FER1L6: variants seen among roughly 807,000 people sequenced by gnomAD.
FER1L6 encodes the protein fer-1 like family member 6.
Under a neutral mutation model 219.2 loss-of-function variants are expected in FER1L6, and 177 were observed. The ratio of observed to expected loss-of-function variants is 0.81; its 90% CI spans 0.71 to 0.91. The LOEUF (loss-of-function observed/expected upper bound fraction) is 0.91. Ranked by LOEUF, FER1L6 falls within the 40% of genes least tolerant of loss-of-function variation. The probability of loss-of-function intolerance (pLI) is 0.00; values close to 1 mark genes in which losing one functional copy is unlikely to be tolerated. For synonymous variants in FER1L6, 768 were observed against 824.3 expected (o/e 0.93, Z 1.17); for missense variants, 2,153 against 2,259.9 (o/e 0.95, Z 0.96).
chr8:123,983,477 G>C (rs1048310176), intron 11 of FER1L6, among the ~76,000 whole-genome samples: 7 of 152,164 alleles, frequency 4.6e-5, no homozygotes, highest in Non-Finnish European at 7.3e-5. Flanking sequence ...TGATATAGAA[G>C]GAGAGGTATG....
At chr8:123,868,640 C>G (rs1023712975) in intron 1 of FER1L6, among the ~76,000 whole-genome samples, 1 of 152,128 alleles carries the variant, frequency 6.6e-6, no homozygotes, top group Middle Eastern at 3.2e-3. Flanking sequence ...CCAAGCAGCC[C>G]TCCCTGCAGA....
intron 1 of FER1L6, among the ~76,000 whole-genome samples, chr8:123,862,437 C>T (rs199667388): frequency 7.1e-6 from 1 of 140,442 alleles, no homozygotes; most frequent in African/African-American, 2.9e-5. Flanking sequence ...GGTCCAAAAT[C>T]CTCTTTTTTG....
In FER1L6 at chr8:124,103,275, G is replaced by C; in HGVS notation, c.5255G>C (p.Gly1752Ala). The change falls in exon 39 of 41, where the codon GGC becomes GCC. Residue 1752 changes from glycine (G) to alanine (A), a missense_variant. Transcript: ENST00000522917. ...ATATTCCAGCAAAAACGTGTGCGTG[G>C]CTGGTGGCCTTTTTCTAAAAGCAAA... ...ISIFQQKRVR[G>A]WWPFSKSKEL... 3.7e-6 allele frequency: 6 copies of C among 1,614,058 alleles called. No individual in the cohort carries two copies. The highest frequency in any genetic ancestry group is 5.1e-6 in the Non-Finnish European group (6 of 1,179,980).
At chr8:124,118,056 G>A (rs186823923) in intron 39 of FER1L6, among the ~76,000 whole-genome samples, 2 of 152,238 alleles carry the variant, frequency 1.3e-5, no homozygotes, top group East Asian at 3.9e-4. Context: ...AAGAATAGGA[G>A]CTCCAGGAGA....
intron 14 of FER1L6, among the ~76,000 whole-genome samples, chr8:124,011,336 T>A (rs1817910494): frequency 6.6e-6 from 1 of 152,142 alleles, no homozygotes; most frequent in African/African-American, 2.4e-5. Flanking sequence ...CCCCCTTATC[T>A]TCTTACATAA....
intron 15 of FER1L6, chr8:124,016,189 T>C (rs1818192579): frequency 6.6e-6 from 1 of 152,210 alleles, no homozygotes; most frequent in African/African-American, 2.4e-5. Flanking sequence ...GAGAGTGAAA[T>C]GGAATTCCTT....
Position 123,910,832 on chromosome 8 carries a change from C to A in FER1L6, c.-7-45160C>A, listed in dbSNP as rs574752205. The stretch of plus-strand genomic sequence containing the variant: ...GGCAGTTACTTTAAAAGAAACATAT[C>A]TTAAGACTAGTCAAGGCAATGACAG... On this transcript the variant is annotated intron_variant, in intron 1 of 40. Transcript: ENST00000522917. Among the ~76,000 whole-genome samples the A allele has an allele frequency of 3.0e-4, 46 of 152,198 alleles. 1 individual carries two copies. Among genetic ancestry groups the A allele is most frequent in the African/African-American group, 1.1e-3 (45 of 41,536 alleles).
At chr8:124,054,293 GT>G (rs562438006) in intron 22 of FER1L6, among the ~76,000 whole-genome samples, 1 of 151,804 alleles carries the variant, frequency 6.6e-6, no homozygotes, top group African/African-American at 2.4e-5. Context: ...TCAAAGTCTG[GT>G]TTTTTTTGGA....
At chr8:123,887,901 A>C (rs1324740962) in intron 1 of FER1L6, among the ~76,000 whole-genome samples, 1 of 152,172 alleles carries the variant, frequency 6.6e-6, no homozygotes, top group Non-Finnish European at 1.5e-5. Flanking sequence ...TTAGATAGTA[A>C]AATATTCTTT....
At chr8:124,080,526 C>G (rs1427575094) in intron 32 of FER1L6, among the ~76,000 whole-genome samples, 1 of 152,248 alleles carries the variant, frequency 6.6e-6, no homozygotes, top group East Asian at 1.9e-4. Flanking sequence ...CCATGTTGGC[C>G]AGGCTTGTCT....
At chr8:123,943,232 G>A (rs1191420490) in intron 1 of FER1L6, among the ~76,000 whole-genome samples, 2 of 152,208 alleles carry the variant, frequency 1.3e-5, no homozygotes, top group African/African-American at 4.8e-5. Context: ...AGCAGGGGGT[G>A]GTGAACATGA....
intron 12 of FER1L6, among the ~76,000 whole-genome samples, chr8:124,000,667 A>G (rs974121242): frequency 6.6e-6 from 1 of 152,210 alleles, no homozygotes; most frequent in Admixed American, 6.5e-5. Flanking sequence ...CATACAGTAG[A>G]TGTTATTATG....
At chr8:123,865,027 G>A (rs1299240623) in intron 1 of FER1L6, among the ~76,000 whole-genome samples, 4 of 151,208 alleles carry the variant, frequency 2.6e-5, no homozygotes, top group Admixed American at 6.6e-5. Context: ...CTGGTGAGGA[G>A]CTGCGTTCCT....
In FER1L6 at chr8:124,111,146, A is replaced by C. The variant is rs1823007865; in HGVS notation, c.5290-7698A>C. ...TTATATACGTTACAGAGAGAAGAGA[A>C]AGTACTTACAACTTTTCTAAAGTAA... On this transcript the variant is annotated intron_variant, in intron 39 of 40. Transcript: ENST00000522917. This position sits in a 1 kb window ranked among gnomAD's most constrained non-coding sequence, Gnocchi z 5.0. Among the ~76,000 whole-genome samples, 1 of 152,232 alleles carries C rather than the reference A, an allele frequency of 6.6e-6. No homozygotes were observed. Among genetic ancestry groups the C allele is most frequent in the Non-Finnish European group, 1.5e-5 (1 of 68,036 alleles).
At chr8:123,948,311 G>A (rs190122521) in intron 1 of FER1L6, among the ~76,000 whole-genome samples, 158 of 152,276 alleles carry the variant, frequency 1.0e-3, no homozygotes, top group Non-Finnish European at 1.8e-3. Context: ...GAAAATCTAT[G>A]CTTTTTAAAA....
chr8:123,972,077 T>A (rs564148474), intron 6 of FER1L6, among the ~76,000 whole-genome samples: 1 of 152,328 alleles, frequency 6.6e-6, no homozygotes, highest in South Asian at 2.1e-4. Flanking sequence ...GAAAAACACA[T>A]GAGCAACTGC....
At chr8:123,985,235 G>T (rs1816513050) in intron 11 of FER1L6, 1 of 152,138 alleles carries the variant, frequency 6.6e-6, no homozygotes, top group Non-Finnish European at 1.5e-5. Flanking sequence ...GTTTATTCAG[G>T]TAAAATGTGG....
intron 10 of FER1L6, 71 bp downstream of exon 10, chr8:123,977,680 G>T: frequency 6.9e-7 from 1 of 1,443,154 alleles, no homozygotes; most frequent in Non-Finnish European, 9.5e-7. Flanking sequence ...CTTTAAAAGG[G>T]GTGGGCTAGA....
intron 33 of FER1L6, among the ~76,000 whole-genome samples, chr8:124,083,211 G>A (rs1437790566): frequency 6.6e-6 from 1 of 151,924 alleles, no homozygotes; most frequent in African/African-American, 2.4e-5. Flanking sequence ...ATTGATTATA[G>A]TTGCCCTGTT....
Sources: gnomAD v4.1 joint callset for allele counts (sites outside exome capture counted in the v4.1 genomes callset) on GRCh38, gnomAD v4.1.1 for gene constraint, Gnocchi (gnomAD v3.1) non-coding constraint, MANE v1.5 for transcripts, NCBI Gene and HGNC (gene_info 2026-07-23, HGNC 2026-07-21) for gene names.